PIK3R4: variants seen among roughly 807,000 people sequenced by gnomAD.
PIK3R4 encodes the protein phosphoinositide-3-kinase regulatory subunit 4.
In PIK3R4, 46 loss-of-function variants were observed where a neutral mutation model predicts 136.5. The ratio of observed to expected loss-of-function variants is 0.34; its 90% CI spans 0.27 to 0.43. The LOEUF is 0.43. Among genes scored for constraint, PIK3R4 ranks in the 20% least tolerant of loss-of-function variants. The pLI, the probability that PIK3R4 is intolerant of heterozygous loss-of-function variation, is 1.00. For synonymous variants in PIK3R4, 557 were observed against 566.7 expected (o/e 0.98, Z 0.24); for missense variants, 1,331 against 1,649.5 (o/e 0.81, Z 3.35).
chr3:130,727,264 A>T (rs2066737119), intron 6 of PIK3R4, among the ~76,000 whole-genome samples: 1 of 150,354 alleles, frequency 6.7e-6, no homozygotes, highest in African/African-American at 2.5e-5. Context: ...TCTTTCACCC[A>T]GGCCTGACTG....
In PIK3R4 at chr3:130,746,368, A is replaced by C. The variant is rs1414546755; in HGVS notation, c.-97T>G. On this transcript the variant is annotated 5_prime_UTR_variant, in exon 1 of 20. The change abolishes an upstream ATG in the 5' untranslated region. Transcript: ENST00000356763. The stretch of plus-strand genomic sequence containing the variant: ...TCGTTCAGAGGCTCACAACGAGGTC[A>C]TAGTAGACTACTTCGGGGACGGGAC... 2 of 152,454 alleles carry C rather than the reference A, an allele frequency of 1.3e-5. No homozygotes were observed. The highest frequency in any genetic ancestry group is 2.4e-5 in the African/African-American group (1 of 41,592). 9.4% of individuals were successfully genotyped at this position (152,454 alleles called of 1,614,324 possible).
At chr3:130,713,847 G>A (rs2066645910) in intron 9 of PIK3R4, among the ~76,000 whole-genome samples, 1 of 151,990 alleles carries the variant, frequency 6.6e-6, no homozygotes, top group Non-Finnish European at 1.5e-5. Context: ...CAATTTTTTG[G>A]ATTTTTAGTA....
In PIK3R4 at chr3:130,687,298, C is replaced by T. The variant is rs527772958; in HGVS notation, c.3264-876G>A. 5.9e-5 allele frequency among the ~76,000 whole-genome samples: 9 copies of T among 152,126 alleles called. No homozygotes were observed. In the South Asian group the frequency reaches 1.2e-3, roughly 21 times the overall value. On this transcript the variant is annotated intron_variant, in intron 14 of 19. Transcript: ENST00000356763. ...TCACTTGTGACATCATATTAGCATT[C>T]GAAAACTTACAGTTTTTGGAGCATT...
chr3:130,711,838 C>T (rs934422745), intron 9 of PIK3R4, among the ~76,000 whole-genome samples: 1 of 152,106 alleles, frequency 6.6e-6, no homozygotes, highest in Non-Finnish European at 1.5e-5. Flanking sequence ...GGCCGGAGGG[C>T]AGGGATTAGA....
chr3:130,712,444 G>A (rs1439596864), intron 9 of PIK3R4, among the ~76,000 whole-genome samples: 6 of 151,980 alleles, frequency 3.9e-5, no homozygotes, highest in African/African-American at 1.5e-4. Context: ...CAAGGCGGGC[G>A]GATCACCTGA....
At chr3:130,717,405 A>G (rs1040712889) in intron 8 of PIK3R4, among the ~76,000 whole-genome samples, 1 of 152,196 alleles carries the variant, frequency 6.6e-6, no homozygotes, top group Non-Finnish European at 1.5e-5. Context: ...TTTTAAATAG[A>G]GTAACTATTC....
chr3:130,744,172 G>A (rs1465075524), intron 2 of PIK3R4, among the ~76,000 whole-genome samples: 1 of 152,084 alleles, frequency 6.6e-6, no homozygotes, highest in African/African-American at 2.4e-5. Flanking sequence ...AATATCCACG[G>A]TCACTTTAAA....
chr3:130,690,924 G>A (rs1013692735), intron 13 of PIK3R4, among the ~76,000 whole-genome samples: 1 of 146,378 alleles, frequency 6.8e-6, no homozygotes, highest in African/African-American at 2.5e-5. Flanking sequence ...CTGAGACAGG[G>A]TCTCACTCTG....
intron 18 of PIK3R4, 94 bp downstream of exon 18, chr3:130,680,881 TCC>T (rs2066454024): frequency 1.3e-6 from 1 of 770,568 alleles, no homozygotes; most frequent in East Asian, 2.6e-5. Flanking sequence ...TTAACAGCTG[TCC>T]TTATAAGATG....
At chr3:130,711,895 T>G (rs1215974105) in intron 9 of PIK3R4, among the ~76,000 whole-genome samples, 1 of 152,212 alleles carries the variant, frequency 6.6e-6, no homozygotes, top group African/African-American at 2.4e-5. Context: ...CTTTTGAATT[T>G]TAAACCTGTA....
chr3:130,733,938 T>C lies in PIK3R4; in HGVS notation c.1060A>G (p.Ile354Val), dbSNP rs958592238. 5 of 1,614,040 alleles carry C rather than the reference T, an allele frequency of 3.1e-6. No homozygotes were observed. Among genetic ancestry groups the C allele is most frequent in the Admixed American group, 1.7e-5 (1 of 60,000 alleles). ...AGATCATGTCCACAGAGATTGTGAA[T>C]AATGTTGCCCAAATCCTTCCGTATA... ...LVIRKDLGNI[I>V]HNLCGHDLPE... Residue 354 changes from isoleucine (I) to valine (V), a missense_variant, in exon 4 of 20, where the codon ATT becomes GTT. Coordinates refer to ENST00000356763, the MANE Select transcript of PIK3R4 (RefSeq NM_014602.3).
In PIK3R4 at chr3:130,686,294, T is replaced by G. The variant is rs114311323; in HGVS notation, c.3392A>C (p.Asn1131Thr). 1 of 1,613,572 alleles carries G rather than the reference T, an allele frequency of 6.2e-7. No individual in the cohort carries two copies. Among genetic ancestry groups the G allele is most frequent in the East Asian group, 2.2e-5 (1 of 44,862 alleles). ...LVGWDLRSSS[N>T]AWTLKHDLKS... ...TAAATCATGCTTTAAAGTCCACGCA[T>G]TGCTTGAAGACCTAAGGTCCCAGCC... The change falls in exon 15 of 20, where the codon AAT (asparagine) becomes ACT (threonine). Residue 1131 changes from asparagine (N) to threonine (T), a missense_variant. By Grantham distance (65) the Asn-to-Thr change is moderately conservative. Transcript: ENST00000356763.
chr3:130,695,567 A>G (rs764998516), intron 13 of PIK3R4, among the ~76,000 whole-genome samples: 1 of 152,154 alleles, frequency 6.6e-6, no homozygotes, highest in Non-Finnish European at 1.5e-5. Context: ...CTAGTTGATC[A>G]GTCAGTCACT....
Position 130,736,011 on chromosome 3 carries a change from TAGC to T in PIK3R4, c.734-12_734-10del. The T allele has an allele frequency of 6.3e-7, 1 of 1,599,536 alleles. No homozygotes were observed. The highest frequency in any genetic ancestry group is 8.5e-7 in the Non-Finnish European group (1 of 1,172,546). ...CTCAGCTATCACACAACCTGAAAAA[TAGC>T]AGGTATAATTCTGTTAGAAAAGAGA... is the stretch of plus-strand genomic sequence containing the variant. On this transcript the variant is annotated splice_polypyrimidine_tract_variant and intron_variant, in intron 2 of 19. Coordinates refer to ENST00000356763, the MANE Select transcript of PIK3R4 (RefSeq NM_014602.3).
intron 13 of PIK3R4, among the ~76,000 whole-genome samples, chr3:130,702,923 T>C (rs1576454553): frequency 6.6e-6 from 1 of 152,318 alleles, no homozygotes; most frequent in Non-Finnish European, 1.5e-5. Context: ...TTCATGATCA[T>C]ATTCCATCTA....
intron 2 of PIK3R4, among the ~76,000 whole-genome samples, chr3:130,740,279 C>A (rs997652936): frequency 1.3e-5 from 2 of 152,144 alleles, no homozygotes; most frequent in African/African-American, 4.8e-5. Context: ...AATGTAATAC[C>A]TGAACCCTAA....
chr3:130,722,774 C>T (rs2066708758), intron 7 of PIK3R4, among the ~76,000 whole-genome samples: 1 of 151,360 alleles, frequency 6.6e-6, no homozygotes, highest in Non-Finnish European at 1.5e-5. Context: ...AACAAAGTCT[C>T]GGCCAGGAGC....
At position 130,681,000 on chromosome 3, in the gene PIK3R4, T is replaced by C; in HGVS notation, c.3774A>G (p.Thr1258=). The change falls in exon 18 of 20, where the codon ACA becomes ACG. Residue 1258 remains threonine (T), a synonymous_variant. Transcript: ENST00000356763. Reference sequence around the variant, plus strand: ...ACCTTATTTTCATATCTGAGCCAGCTGTTAGTAGGATAGGATTTCCATCTG... The same window carrying C: ...ACCTTATTTTCATATCTGAGCCAGCCGTTAGTAGGATAGGATTTCCATCTG... ...SPADGNPILL[T]AGSDMKIRFW... 6.4e-7 allele frequency: 1 copy of C among 1,570,392 alleles called. No individual in the cohort carries two copies. The highest frequency in any genetic ancestry group is 8.7e-7 in the Non-Finnish European group (1 of 1,147,152).
chr3:130,705,535 C>T, intron 12 of PIK3R4, 26 bp downstream of exon 12: 1 of 1,477,778 alleles, frequency 6.8e-7, no homozygotes, highest in South Asian at 1.1e-5. Flanking sequence ...GACTAGACTA[C>T]AACTACTTAT....
Sources: gnomAD v4.1 joint callset for allele counts (sites outside exome capture counted in the v4.1 genomes callset) on GRCh38, gnomAD v4.1.1 for gene constraint, MANE v1.5 for transcripts, NCBI Gene and HGNC (gene_info 2026-07-23, HGNC 2026-07-21) for gene names.